The following BRD1 variants were observed in gnomAD, a reference collection of about 807,000 sequenced individuals.
BRD1 encodes bromodomain containing 1, also known as bromodomain-containing protein 1.
A neutral mutation model predicts 107.7 loss-of-function variants in BRD1; 24 were observed. The observed-to-expected ratio is 0.22, with a 90% CI of 0.16 to 0.31. The LOEUF (loss-of-function observed/expected upper bound fraction) is 0.31, where lower values mean the gene tolerates loss of function less well. BRD1 is among the 10% of genes least tolerant of loss of function. BRD1 has a pLI of 1.00. For synonymous variants in BRD1, 744 were observed against 686.1 expected (o/e 1.08, Z -1.32); for missense variants, 1,279 against 1,638.6 (o/e 0.78, Z 3.79).
At chr22:49,779,587 G>A (rs1018168404) in intron 8 of BRD1, among the ~76,000 whole-genome samples, 5 of 152,102 alleles carry the variant, frequency 3.3e-5, no homozygotes, top group African/African-American at 1.2e-4. Context: ...TTCTGGCAAG[G>A]GAACAAATAA....
chr22:49,818,363 C>T, intron 2 of BRD1: 1 of 1,226,656 alleles, frequency 8.2e-7, no homozygotes, highest in Non-Finnish European at 1.0e-6. Flanking sequence ...AAGACACTTT[C>T]TACTTTGCAT....
Position 49,774,200 on chromosome 22 carries a change from C to CT in BRD1, c.*32dup. The CT allele has an allele frequency of 6.2e-7, 1 of 1,600,550 alleles. No homozygotes were observed. Among genetic ancestry groups the CT allele is most frequent in the South Asian group, 1.1e-5 (1 of 89,526 alleles). On this transcript the variant is annotated 3_prime_UTR_variant, in exon 13 of 13. Transcript: ENST00000404760. ...TACAAACATGTACAGCTTATCAACA[C>CT]TATGGACAAGACCCGCGCTGGCGGC...
intron 8 of BRD1, among the ~76,000 whole-genome samples, chr22:49,781,971 C>T (rs899102142): frequency 7.6e-6 from 1 of 131,966 alleles, no homozygotes; most frequent in Non-Finnish European, 1.6e-5. Flanking sequence ...CGGGACGGTC[C>T]GAGACAGACC....
At position 49,786,073 on chromosome 22, in the gene BRD1, C is replaced by G. The variant is rs556725843; in HGVS notation, c.2857+1317G>C. Among the ~76,000 whole-genome samples the G allele has an allele frequency of 5.9e-5, 9 of 152,200 alleles. No individual in the cohort carries two copies. In the East Asian group the frequency reaches 9.6e-4, roughly 16 times the overall value. ...GGGAAATAAGCAACACCCACCCAGC[C>G]CCACCCTCTCTCACTGCTCAAGTGC... is the stretch of plus-strand genomic sequence containing the variant. On this transcript the variant is annotated intron_variant, in intron 8 of 12. Coordinates refer to ENST00000404760, the MANE Select transcript of BRD1 (RefSeq NM_001304808.3).
At chr22:49,815,289 A>G (rs1388852304) in intron 2 of BRD1, among the ~76,000 whole-genome samples, 1 of 152,220 alleles carries the variant, frequency 6.6e-6, no homozygotes, top group Non-Finnish European at 1.5e-5. Flanking sequence ...CTGTAATCCC[A>G]ACACTTTGGG....
intron 2 of BRD1, among the ~76,000 whole-genome samples, chr22:49,812,550 G>A (rs1056941925): frequency 1.3e-5 from 2 of 152,116 alleles, no homozygotes; most frequent in South Asian, 2.1e-4. Context: ...CAGCCTGGGC[G>A]ACAGAGCAAG....
chr22:49,790,858 G>C (rs916815280), intron 7 of BRD1, among the ~76,000 whole-genome samples: 3 of 152,236 alleles, frequency 2.0e-5, no homozygotes, highest in Non-Finnish European at 4.4e-5. Flanking sequence ...CAGCGCCCGT[G>C]CACGGCAGGG....
intron 2 of BRD1, among the ~76,000 whole-genome samples, chr22:49,805,175 G>C (rs1260461234): frequency 6.6e-6 from 1 of 152,216 alleles, no homozygotes. Flanking sequence ...TCATCTTCAA[G>C]TCTCCCAAGA....
chr22:49,820,123 C>T (rs1235959894), intron 2 of BRD1, among the ~76,000 whole-genome samples: 2 of 151,460 alleles, frequency 1.3e-5, no homozygotes, highest in African/African-American at 4.9e-5. Context: ...AAGCAAGACT[C>T]CACCTCAAAA....
intron 2 of BRD1, among the ~76,000 whole-genome samples, chr22:49,814,960 G>A (rs755654147): frequency 1.3e-5 from 2 of 152,202 alleles, no homozygotes; most frequent in African/African-American, 2.4e-5. Flanking sequence ...AAGAGAACCC[G>A]GCCTAGAGGA....
intron 3 of BRD1, among the ~76,000 whole-genome samples, chr22:49,800,703 C>G (rs75864202): frequency 9.4e-4 from 143 of 152,334 alleles, no homozygotes; most frequent in African/African-American, 3.4e-3. Flanking sequence ...ATGACACATG[C>G]AGCCTCATCC....
chr22:49,791,117 C>A (rs143875168), intron 7 of BRD1, among the ~76,000 whole-genome samples: 81 of 152,382 alleles, frequency 5.3e-4, no homozygotes, highest in Middle Eastern at 3.4e-3. Flanking sequence ...GTCCCACAGG[C>A]TCATCAGACA....
intron 8 of BRD1, among the ~76,000 whole-genome samples, chr22:49,784,760 G>A (rs1392719537): frequency 6.6e-6 from 1 of 152,204 alleles, no homozygotes; most frequent in African/African-American, 2.4e-5. Flanking sequence ...AGAAGGTTCC[G>A]GTGAAACCAA....
chr22:49,787,382 G>A lies in BRD1; in HGVS notation c.2857+8C>T, dbSNP rs767127141. Reference sequence around the variant, plus strand: ...AGGGCGCCTCTCAGGGCCGCCCGCGGCATTTACCTGCGTCCAGGCGCTTTC... The same window carrying A: ...AGGGCGCCTCTCAGGGCCGCCCGCGACATTTACCTGCGTCCAGGCGCTTTC... On this transcript the variant is annotated splice_region_variant and intron_variant, in intron 8 of 12. Coordinates refer to ENST00000404760, the MANE Select transcript of BRD1 (RefSeq NM_001304808.3). The A allele has an allele frequency of 6.3e-7, 1 of 1,592,214 alleles. No individual in the cohort carries two copies. The highest frequency in any genetic ancestry group is 8.5e-7 in the Non-Finnish European group (1 of 1,169,782).
At chr22:49,801,330 G>T (rs553733942) in intron 3 of BRD1, among the ~76,000 whole-genome samples, 1 of 152,180 alleles carries the variant, frequency 6.6e-6, no homozygotes, top group Non-Finnish European at 1.5e-5. Context: ...GCACAGACCC[G>T]CCATCGCTGC....
At chr22:49,804,407 G>C (rs1456377897) in intron 2 of BRD1, 47 bp from the exon 3 acceptor site, 17 of 1,535,400 alleles carry the variant, frequency 1.1e-5, no homozygotes, top group Non-Finnish European at 1.5e-5. Context: ...ACATTAAGAT[G>C]TTTCATCACA....
intron 8 of BRD1, among the ~76,000 whole-genome samples, chr22:49,784,540 G>A (rs1409599490): frequency 6.6e-6 from 1 of 152,248 alleles, no homozygotes; most frequent in Non-Finnish European, 1.5e-5. Context: ...ACGGGCAGGA[G>A]GCCCACAGTG....
intron 7 of BRD1, among the ~76,000 whole-genome samples, chr22:49,789,415 C>T (rs926238881): frequency 6.6e-6 from 1 of 152,188 alleles, no homozygotes; most frequent in Non-Finnish European, 1.5e-5. Context: ...CTGCAGCGTC[C>T]TGACGCAGCT....
intron 2 of BRD1, among the ~76,000 whole-genome samples, chr22:49,811,691 A>T (rs762759023): frequency 1.6e-4 from 24 of 152,216 alleles, no homozygotes; most frequent in Admixed American, 6.5e-4. Flanking sequence ...CTTTCAGACT[A>T]TGGCTGACCA....
Sources: allele counts gnomAD v4.1 joint callset (sites outside exome capture counted in the v4.1 genomes callset), GRCh38; gene constraint gnomAD v4.1.1; transcripts MANE v1.5; gene names NCBI Gene and HGNC (gene_info 2026-07-23, HGNC 2026-07-21).